PCDH15: variants seen among roughly 807,000 people sequenced by gnomAD.
PCDH15 encodes the protein protocadherin-15.
Under a neutral mutation model 178.5 loss-of-function variants are expected in PCDH15, and 129 were observed. That is an observed-to-expected ratio of 0.72 (90% CI 0.63 to 0.84). The LOEUF (loss-of-function observed/expected upper bound fraction) is 0.84, where lower values mean the gene tolerates loss of function less well. Ranked by LOEUF, PCDH15 falls within the 40% of genes least tolerant of loss-of-function variation. The pLI, the probability that PCDH15 is intolerant of heterozygous loss-of-function variation, is 0.00. For missense variants in PCDH15, 2,230 were observed against 2,099.9 expected (o/e 1.06, Z -1.21); for synonymous variants, 800 against 732.0 (o/e 1.09, Z -1.50).
chr10:55,226,126 GAACA>G (rs1279260668), intron 1 of PCDH15, among the ~76,000 whole-genome samples: 1 of 151,952 alleles, frequency 6.6e-6, no homozygotes, highest in Admixed American at 6.6e-5. Context: ...AATAAGGCTT[GAACA>G]AACAGTTTCT....
chr10:54,519,747 A>G (rs1425603272), intron 3 of PCDH15, among the ~76,000 whole-genome samples: 1 of 152,174 alleles, frequency 6.6e-6, no homozygotes, highest in Admixed American at 6.5e-5. Flanking sequence ...AAGAGCCCGC[A>G]TCACCAAGTC....
chr10:54,960,046 C>A (rs910704942), intron 2 of PCDH15, among the ~76,000 whole-genome samples: 1 of 152,088 alleles, frequency 6.6e-6, no homozygotes, highest in Non-Finnish European at 1.5e-5. Context: ...AAATTTGAAG[C>A]GTCCAGTCTT....
rs766295206 is a variant in PCDH15, at chr10:53,940,919, G to A, written c.3179C>T (p.Ala1060Val). Residue 1060 changes from alanine (A) to valine (V), a missense_variant, in exon 24 of 38, where the codon GCT becomes GTT. Physicochemically the swap from Ala to Val is moderately conservative, Grantham distance 64. Coordinates refer to ENST00000644397, the MANE Select transcript of PCDH15 (RefSeq NM_001384140.1). ...CACAATACTTTGATTAATGGCAGCA[G>A]CAGAAATTACACCAACCATGGTCCC... ...TKGTMVGVIS[A>V]AAINQSIVYS... is the part of the protein sequence containing the mutation. 8.1e-6 allele frequency: 13 copies of A among 1,613,638 alleles called. No homozygotes were observed. The African/African-American group carries it at 1.6e-4, about 20-fold the overall frequency.
Position 54,388,964 on chromosome 10 carries a change from T to G in PCDH15, c.158-10022A>C, listed in dbSNP as rs557556852. Among the ~76,000 whole-genome samples the G allele has an allele frequency of 7.9e-5, 12 of 152,250 alleles. No homozygotes were observed. The South Asian group carries it at 2.5e-3, about 32-fold the overall frequency. On this transcript the variant is annotated intron_variant, in intron 3 of 37. Coordinates refer to ENST00000644397, the MANE Select transcript of PCDH15 (RefSeq NM_001384140.1). ...GATTTGGGTTCTATTACTGGCACAT[T>G]GAGTATCAGCAACAGAAGTAACCAG...
At chr10:54,329,757 T>A in intron 6 of PCDH15, 51 bp from the exon 7 acceptor site, 1 of 1,178,098 alleles carries the variant, frequency 8.5e-7, no homozygotes, top group Non-Finnish European at 1.3e-6. Flanking sequence ...TAAGATGAAT[T>A]AATAACTCAA....
chr10:54,853,863 C>T (rs1376620474), intron 3 of PCDH15, among the ~76,000 whole-genome samples: 1 of 152,084 alleles, frequency 6.6e-6, no homozygotes, highest in East Asian at 1.9e-4. Context: ...ATGTTTATGC[C>T]ACAAGATCTT....
intron 2 of PCDH15, among the ~76,000 whole-genome samples, chr10:55,465,228 G>A (rs1208515503): frequency 1.3e-5 from 2 of 152,200 alleles, no homozygotes; most frequent in African/African-American, 4.8e-5. Flanking sequence ...ACCCACAGAA[G>A]TGTTGAGTGG....
chr10:54,983,020 G>T (rs969071561), intron 2 of PCDH15, among the ~76,000 whole-genome samples: 2 of 152,118 alleles, frequency 1.3e-5, no homozygotes, highest in South Asian at 4.2e-4. Context: ...CATTCAGTCT[G>T]ATTTTACAAG....
At chr10:53,886,595 C>CTTTT (rs36171553) in intron 26 of PCDH15, among the ~76,000 whole-genome samples, 25 of 72,806 alleles carry the variant, frequency 3.4e-4, no homozygotes, top group African/African-American at 1.2e-3. Flanking sequence ...ATGTATGCCT[C>CTTTT]TTTTTTTTTT....
At chr10:54,827,129 A>G (rs1953145109) in intron 3 of PCDH15, among the ~76,000 whole-genome samples, 1 of 152,100 alleles carries the variant, frequency 6.6e-6, no homozygotes, top group Non-Finnish European at 1.5e-5. Context: ...AGATGGCCAG[A>G]TAGCCAGTTC....
At chr10:54,357,085 CT>C (rs1221744143) in intron 5 of PCDH15, among the ~76,000 whole-genome samples, 1 of 152,100 alleles carries the variant, frequency 6.6e-6, no homozygotes, top group Non-Finnish European at 1.5e-5. Context: ...GAAGCATTCC[CT>C]TTGAAAATGG....
At chr10:54,345,323 T>C (rs1943061982) in intron 6 of PCDH15, among the ~76,000 whole-genome samples, 1 of 152,112 alleles carries the variant, frequency 6.6e-6, no homozygotes, top group Non-Finnish European at 1.5e-5. Context: ...CTGTCTAAAG[T>C]TTATCTACAA....
At chr10:54,262,545 C>A (rs560865292) in intron 8 of PCDH15, among the ~76,000 whole-genome samples, 1 of 152,216 alleles carries the variant, frequency 6.6e-6, no homozygotes, top group African/African-American at 2.4e-5. Context: ...GGCCAGAGGA[C>A]AAATCAGTGA....
intron 1 of PCDH15, among the ~76,000 whole-genome samples, chr10:55,310,758 G>A (rs1433191821): frequency 6.6e-6 from 1 of 152,118 alleles, no homozygotes; most frequent in Non-Finnish European, 1.5e-5. Flanking sequence ...ATCATCCACA[G>A]CAAACTAACA....
chr10:54,268,555 A>T (rs1475509967), intron 8 of PCDH15, among the ~76,000 whole-genome samples: 1 of 151,926 alleles, frequency 6.6e-6, no homozygotes, highest in African/African-American at 2.4e-5. Flanking sequence ...TGTGATGCAT[A>T]TATACCATGG....
intron 8 of PCDH15, among the ~76,000 whole-genome samples, chr10:54,292,985 T>C (rs181954750): frequency 0.016 from 2,440 of 151,836 alleles, 54 homozygotes; most frequent in South Asian, 0.045. Context: ...CAAGTGGAAA[T>C]AAAAAAGAGC....
chr10:55,404,218 T>C lies in PCDH15; in HGVS notation c.-156+223407A>G, dbSNP rs1207673318. Among the ~76,000 whole-genome samples, 3 of 151,932 alleles carry C rather than the reference T, an allele frequency of 2.0e-5. No homozygotes were observed. In the East Asian group the frequency reaches 5.8e-4, roughly 29 times the overall value. On this transcript the variant is annotated intron_variant, in intron 2 of 5. Transcript: ENST00000613346. Reference sequence around the variant, plus strand: ...GAAGTGCAGAATCTAGACAAGAACATACCAGTAAGCCTATAGCAGACGCCA... The same window carrying C: ...GAAGTGCAGAATCTAGACAAGAACACACCAGTAAGCCTATAGCAGACGCCA...
At chr10:54,357,890 C>G (rs2134401697) in intron 5 of PCDH15, among the ~76,000 whole-genome samples, 1 of 152,012 alleles carries the variant, frequency 6.6e-6, no homozygotes, top group South Asian at 2.1e-4. Context: ...CTTTGACAAA[C>G]CTGACAAAAA....
At chr10:54,899,158 A>G (rs995657916) in intron 2 of PCDH15, among the ~76,000 whole-genome samples, 2 of 152,180 alleles carry the variant, frequency 1.3e-5, no homozygotes, top group African/African-American at 4.8e-5. Flanking sequence ...GACGTAGAGT[A>G]TTTATTTGTG....
Sources: allele counts gnomAD v4.1 joint callset (sites outside exome capture counted in the v4.1 genomes callset), GRCh38; gene constraint gnomAD v4.1.1; transcripts MANE v1.5; gene names NCBI Gene and HGNC (gene_info 2026-07-23, HGNC 2026-07-21).